Variants in PPM1K observed in about 807,000 individuals in gnomAD.
The protein encoded by PPM1K is protein phosphatase Mn(2+)-dependent 1K.
PPM1K carries 19 observed loss-of-function variants against 32.6 expected under a neutral mutation model. That is an observed-to-expected ratio of 0.58 (90% confidence interval 0.41 to 0.86). The LOEUF (loss-of-function observed/expected upper bound fraction) is 0.86, where lower values mean the gene tolerates loss of function less well. PPM1K is among the 40% of genes least tolerant of loss of function. The probability of loss-of-function intolerance (pLI) is 0.00; values close to 1 mark genes in which losing one functional copy is unlikely to be tolerated. For synonymous variants in PPM1K, 159 were observed against 165.3 expected, an observed-to-expected ratio of 0.96 and a Z score of 0.29; for missense variants, 362 against 461.2, an observed-to-expected ratio of 0.78 and a Z score of 1.97.
At chr4:88,263,295 T>A (rs1731193968) in intron 6 of PPM1K, among the ~76,000 whole-genome samples, 1 of 152,034 alleles carries the variant, frequency 6.6e-6, no homozygotes, top group Admixed American at 6.5e-5. Flanking sequence ...TTTCCATCTA[T>A]CGAATTGGTA....
chr4:88,276,586 A>G (rs1397720075), intron 3 of PPM1K: 2 of 985,314 alleles, frequency 2.0e-6, no homozygotes, highest in Non-Finnish European at 2.4e-6. Flanking sequence ...TACCAGAGAA[A>G]AGCTGCAAGA....
In PPM1K at chr4:88,260,474, A is replaced by C. The variant is rs1731075780; in HGVS notation, c.*2121T>G. The C allele has an allele frequency of 6.6e-6, 1 of 152,198 alleles. No homozygotes were observed. The highest frequency in any genetic ancestry group is 1.5e-5 in the Non-Finnish European group (1 of 68,040). 9.4% of individuals were successfully genotyped at this position (152,198 alleles called of 1,614,324 possible). A position where few individuals can be genotyped will look rare whatever the true frequency, so the allele number is the denominator to read the frequency against. The stretch of plus-strand genomic sequence containing the variant: ...TCTGTTCCAAGAACTGATTAGAAAA[A>C]GCAAGATGGTTTCCCGCTTTAGTTG... On this transcript the variant is annotated 3_prime_UTR_variant, in exon 7 of 7. Coordinates refer to ENST00000608933, the MANE Select transcript of PPM1K (RefSeq NM_152542.5).
chr4:88,262,771 A>C (rs2110152676), intron 6 of PPM1K, 45 bp from the exon 7 acceptor site: 1 of 1,573,546 alleles, frequency 6.4e-7, no homozygotes, highest in Middle Eastern at 1.7e-4. Context: ...TGGAAATCAC[A>C]GTCTATACAA....
intron 3 of PPM1K, among the ~76,000 whole-genome samples, chr4:88,272,715 A>G (rs1234520308): frequency 7.9e-5 from 12 of 152,334 alleles, no homozygotes; most frequent in South Asian, 2.1e-4. Context: ...AAAATGCATT[A>G]ACAAAAAAGC....
rs1201266573 is a variant in PPM1K at position 88,261,759 on chromosome 4, T to A, written c.*836A>T. 2.0e-5 allele frequency: 3 copies of A among 150,346 alleles called. No individual in the cohort carries two copies. The highest frequency in any genetic ancestry group is 4.4e-5 in the Non-Finnish European group (3 of 67,608). The allele number at this position is 150,346 out of a possible 1,614,324, so 9.3% of individuals were successfully genotyped here. On this transcript the variant is annotated 3_prime_UTR_variant, in exon 7 of 7. Coordinates refer to ENST00000608933, the MANE Select transcript of PPM1K (RefSeq NM_152542.5). ...CTGCCCAGGCTGGAGTGCAATGGCA[T>A]GATCTCAGCTCACTGCAACCCCCAT...
chr4:88,276,683 G>T, intron 3 of PPM1K: 3 of 984,438 alleles, frequency 3.0e-6, no homozygotes, highest in Non-Finnish European at 3.6e-6. Context: ...TTCTATTTAG[G>T]ACCTATTTGC....
At chr4:88,282,577 T>A (rs17013979) in intron 1 of PPM1K, among the ~76,000 whole-genome samples, 1 of 152,278 alleles carries the variant, frequency 6.6e-6, no homozygotes, top group Admixed American at 6.5e-5. Context: ...TTTCAGCTAA[T>A]TGGGACCCCA....
intron 5 of PPM1K, among the ~76,000 whole-genome samples, chr4:88,265,377 C>T (rs1242150223): frequency 1.3e-5 from 2 of 152,096 alleles, no homozygotes; most frequent in East Asian, 1.9e-4. Flanking sequence ...TTTCCCATGC[C>T]GTTTTCATAA....
At chr4:88,281,682 G>A (rs1378750973) in intron 1 of PPM1K, among the ~76,000 whole-genome samples, 1 of 152,146 alleles carries the variant, frequency 6.6e-6, no homozygotes, top group African/African-American at 2.4e-5. Context: ...AGGTAAACGA[G>A]ATGTTACGAA....
At chr4:88,284,182 C>G (rs921202805) in intron 1 of PPM1K, 2 of 152,124 alleles carry the variant, frequency 1.3e-5, no homozygotes, top group Non-Finnish European at 2.9e-5. Context: ...CGCCTCACCC[C>G]GACGAGCTGC....
Position 88,278,522 on chromosome 4 carries a change from A to G in PPM1K, c.62T>C (p.Val21Ala). 1.2e-6 allele frequency: 2 copies of G among 1,613,954 alleles called. No homozygotes were observed. The highest frequency in any genetic ancestry group is 1.7e-6 in the Non-Finnish European group (2 of 1,179,986). ...RSGGNQVRRR[V>A]LLSSRLLQDD... is the part of the protein sequence containing the mutation. Reference sequence around the variant, plus strand: ...CTGCAGCAGGCGGGAGCTTAGCAGCACTCTCCTTCTCACCTGGTTCCCACC... The same window carrying G: ...CTGCAGCAGGCGGGAGCTTAGCAGCGCTCTCCTTCTCACCTGGTTCCCACC... Residue 21 changes from valine (V) to alanine (A), a missense_variant, in exon 2 of 7, where the codon GTG (valine) becomes GCG (alanine). Val to Ala is a moderately conservative substitution (Grantham distance 64). Coordinates refer to ENST00000608933, the MANE Select transcript of PPM1K (RefSeq NM_152542.5). This position sits in a 1 kb window ranked among gnomAD's most constrained non-coding sequence, Gnocchi z 4.2.
chr4:88,258,417 C>T lies in PPM1K; in HGVS notation c.*4178G>A, dbSNP rs889132446. On this transcript the variant is annotated 3_prime_UTR_variant, in exon 7 of 7. Coordinates refer to ENST00000608933, the MANE Select transcript of PPM1K (RefSeq NM_152542.5). Reference sequence around the variant, plus strand: ...GGCCGAGGCAGGTGGATCACGAGGTCAAGAGATCGAGACCATCCTGGCCAA... The same window carrying T: ...GGCCGAGGCAGGTGGATCACGAGGTTAAGAGATCGAGACCATCCTGGCCAA... The T allele has an allele frequency of 9.2e-5, 14 of 151,838 alleles. No individual in the cohort carries two copies. The highest frequency in any genetic ancestry group is 2.9e-4 in the African/African-American group (12 of 41,322). 9.4% of individuals were successfully genotyped at this position (151,838 alleles called of 1,614,324 possible). A position where few individuals can be genotyped will look rare whatever the true frequency, so the allele number is the denominator to read the frequency against.
intron 6 of PPM1K, among the ~76,000 whole-genome samples, chr4:88,263,700 C>A (rs1319117265): frequency 6.6e-6 from 1 of 152,152 alleles, no homozygotes; most frequent in Non-Finnish European, 1.5e-5. Flanking sequence ...CCCATCTCAG[C>A]CTCCCAAAGT....
rs1357738699 is a variant in PPM1K, at chr4:88,268,752, A to C, written c.696T>G (p.Asp232Glu). 1 of 1,613,536 alleles carries C rather than the reference A, an allele frequency of 6.2e-7. No homozygotes were observed. Among genetic ancestry groups the C allele is most frequent in the African/African-American group, 1.3e-5 (1 of 74,848 alleles). The part of the protein sequence containing the change: ...LTIDHTPERK[D>E]EKERIKKCGG... ...AGTGGTGGTAGTACCTTTCTTTTTC[A>C]TCTTTTCTTTCTGGAGTATGGTCAA... Residue 232 changes from aspartate to glutamate, a missense_variant, in exon 4 of 7, where the codon GAT becomes GAG. Physicochemically the swap from Asp to Glu is conservative, Grantham distance 45. Coordinates refer to ENST00000608933, the MANE Select transcript of PPM1K (RefSeq NM_152542.5).
At position 88,259,582 on chromosome 4, in the gene PPM1K, T is replaced by A. The variant is rs1731046251; in HGVS notation, c.*3013A>T. On this transcript the variant is annotated 3_prime_UTR_variant, in exon 7 of 7. Coordinates refer to ENST00000608933, the MANE Select transcript of PPM1K (RefSeq NM_152542.5). Reference sequence around the variant, plus strand: ...CTGAAAAACTAGAGCAGTCCCTTTTTTTTTACTATGATTTGCATATTTTCC... The same window carrying A: ...CTGAAAAACTAGAGCAGTCCCTTTTATTTTACTATGATTTGCATATTTTCC... The A allele has an allele frequency of 6.6e-6, 1 of 152,206 alleles. No individual in the cohort carries two copies. The highest frequency in any genetic ancestry group is 2.4e-5 in the African/African-American group (1 of 41,444). 9.4% of individuals were successfully genotyped at this position (152,206 alleles called of 1,614,324 possible).
rs1730971638 is a variant in PPM1K, at chr4:88,258,042, T to C, written c.*4553A>G. 1 of 152,238 alleles carries C rather than the reference T, an allele frequency of 6.6e-6. No individual in the cohort carries two copies. Among genetic ancestry groups the C allele is most frequent in the Admixed American group, 6.5e-5 (1 of 15,286 alleles). The allele number at this position is 152,238 out of a possible 1,614,324, so 9.4% of individuals were successfully genotyped here. ...AAAAGGCAGGCCATCACAAGTTGGCTTGTTCACCTTCTAAAGACATGACTT... is the reference window on the plus strand; with the variant it reads ...AAAAGGCAGGCCATCACAAGTTGGCCTGTTCACCTTCTAAAGACATGACTT... On this transcript the variant is annotated 3_prime_UTR_variant, in exon 7 of 7. Transcript: ENST00000608933.
At position 88,259,068 on chromosome 4, in the gene PPM1K, C is replaced by G. The variant is rs1731023394; in HGVS notation, c.*3527G>C. On this transcript the variant is annotated 3_prime_UTR_variant, in exon 7 of 7. Transcript: ENST00000608933. Reference sequence around the variant, plus strand: ...TGCCACTGCACTCCAGCCTGGGTGACAGAGAGAGACTCCTTCTCAAAAAAA... The same window carrying G: ...TGCCACTGCACTCCAGCCTGGGTGAGAGAGAGAGACTCCTTCTCAAAAAAA... 6.8e-6 allele frequency: 1 copy of G among 147,076 alleles called. No individual in the cohort carries two copies. The highest frequency in any genetic ancestry group is 2.5e-5 in the African/African-American group (1 of 39,342). The allele number at this position is 147,076 out of a possible 1,614,324, so 9.1% of individuals were successfully genotyped here.
intron 3 of PPM1K, among the ~76,000 whole-genome samples, chr4:88,273,502 A>C (rs1731642390): frequency 6.6e-6 from 1 of 152,110 alleles, no homozygotes; most frequent in Non-Finnish European, 1.5e-5. Flanking sequence ...CCAACATGGC[A>C]AAACCCCGCC....
chr4:88,277,154 A>G lies in PPM1K; in HGVS notation c.530T>C (p.Leu177Pro). 1.9e-6 allele frequency: 3 copies of G among 1,613,162 alleles called. No individual in the cohort carries two copies. Among genetic ancestry groups the G allele is most frequent in the Non-Finnish European group, 8.5e-7 (1 of 1,179,120 alleles). Residue 177 changes from leucine to proline, a missense_variant, in exon 3 of 7, where the codon CTG becomes CCG. Coordinates refer to ENST00000608933, the MANE Select transcript of PPM1K (RefSeq NM_152542.5). The stretch of plus-strand genomic sequence containing the variant: ...ATAGTTTTACATACCATCAGCAGAC[A>G]GGCGGGCATGACTCGAAAAGGCTTT... ...IDKAFSSHAR[L>P]SADATLLTSG...
Sources: gnomAD v4.1 joint callset for allele counts (sites outside exome capture counted in the v4.1 genomes callset) on GRCh38, gnomAD v4.1.1 for gene constraint, Gnocchi (gnomAD v3.1) non-coding constraint, MANE v1.5 for transcripts, NCBI Gene and HGNC (gene_info 2026-07-23, HGNC 2026-07-21) for gene names.